The following COL6A3 variants were observed in gnomAD, a reference collection of about 807,000 sequenced individuals.
COL6A3 encodes the protein collagen alpha-3(VI) chain.
COL6A3 carries 137 observed loss-of-function variants against 274.1 expected under a neutral mutation model. The observed-to-expected ratio is 0.50, with a 90% CI of 0.44 to 0.58. The LOEUF (loss-of-function observed/expected upper bound fraction) is 0.58, where lower values mean the gene tolerates loss of function less well. Ranked by LOEUF, COL6A3 falls within the 20% of genes least tolerant of loss-of-function variation. The pLI, the probability that COL6A3 is intolerant of heterozygous loss-of-function variation, is 0.00. For missense variants in COL6A3, 3,950 were observed against 4,124.9 expected (o/e 0.96, Z 1.16); for synonymous variants, 1,650 against 1,650.6 (o/e 1.00, Z 0.01).
chr2:237,406,954 G>A (rs975335857), intron 1 of COL6A3, among the ~76,000 whole-genome samples: 2 of 135,038 alleles, frequency 1.5e-5, no homozygotes, highest in Admixed American at 8.2e-5. Context: ...CTGTTGTCCA[G>A]GTTGGAATGC....
Position 237,365,746 on chromosome 2 carries a change from C to G in COL6A3, c.5790G>C (p.Leu1930=). 6 of 1,614,222 alleles carry G rather than the reference C, an allele frequency of 3.7e-6. No homozygotes were observed. The highest frequency in any genetic ancestry group is 5.1e-6 in the Non-Finnish European group (6 of 1,180,040). The part of the protein sequence containing the change: ...QHPYVLTEDT[L]KVYLNKFRQS... ...GTCTGAACTTGTTCAGGTAGACCTT[C>G]AGGGTGTCCTCCGTGAGGACGTAGG... is the stretch of plus-strand genomic sequence containing the variant. Residue 1930 remains leucine, a synonymous_variant, in exon 12 of 44, where the codon CTG becomes CTC. Coordinates refer to ENST00000295550, the MANE Select transcript of COL6A3 (RefSeq NM_004369.4).
intron 42 of COL6A3, chr2:237,328,861 C>T (rs1700084637): frequency 6.6e-6 from 1 of 152,148 alleles, no homozygotes; most frequent in Non-Finnish European, 1.5e-5. Context: ...ACATGTTCCT[C>T]ATCAGTTTAA....
In COL6A3 at chr2:237,353,280, T is replaced by A. The variant is rs111602750; in HGVS notation, c.6690+61A>T. 640 of 1,530,652 alleles carry A rather than the reference T, an allele frequency of 4.2e-4. 1 individual carries two copies. The African/African-American group carries it at 8.0e-3, about 19-fold the overall frequency. 94.8% of individuals were successfully genotyped at this position (1,530,652 alleles called of 1,614,324 possible). On this transcript the variant is annotated intron_variant, in intron 25 of 43. Transcript: ENST00000295550. ...CTTTCCGGATATAAATGCCACCCAATCATTTTTTAAATGATTTGTGAAATA... is the reference window on the plus strand; with the variant it reads ...CTTTCCGGATATAAATGCCACCCAAACATTTTTTAAATGATTTGTGAAATA...
chr2:237,403,516 T>C (rs1229715375), intron 1 of COL6A3, among the ~76,000 whole-genome samples: 2 of 152,144 alleles, frequency 1.3e-5, no homozygotes, highest in African/African-American at 4.8e-5. Flanking sequence ...AGGAATGCTG[T>C]TCTAATGATG....
intron 23 of COL6A3, chr2:237,356,995 G>A (rs1180767975): frequency 1.6e-5 from 6 of 383,016 alleles, no homozygotes; most frequent in African/African-American, 1.2e-4. Flanking sequence ...CAGCCCTCTT[G>A]CCCCTTATTC....
At chr2:237,363,176 T>G in intron 14 of COL6A3, 77 bp downstream of exon 14, 2 of 1,391,912 alleles carry the variant, frequency 1.4e-6, no homozygotes, top group Non-Finnish European at 1.0e-6. Context: ...CTGCTGATAA[T>G]TAACTTCATT....
chr2:237,411,319 T>A (rs2078850278), intron 1 of COL6A3, among the ~76,000 whole-genome samples: 2 of 152,242 alleles, frequency 1.3e-5, no homozygotes, highest in African/African-American at 4.8e-5. Context: ...ATTCACGACT[T>A]GCCGGTGAAT....
intron 3 of COL6A3, among the ~76,000 whole-genome samples, chr2:237,388,722 C>T (rs2078215835): frequency 1.3e-5 from 2 of 152,202 alleles, no homozygotes; most frequent in South Asian, 2.1e-4. Context: ...TTGCTGGATG[C>T]CTTCAGAAAC....
intron 30 of COL6A3, 133 bp from the exon 31 acceptor site, chr2:237,348,002 A>G (rs576054298): frequency 1.2e-6 from 1 of 807,286 alleles, no homozygotes; most frequent in South Asian, 1.5e-5. Flanking sequence ...GTTTTGATTC[A>G]CTTTTCCAGT....
At chr2:237,334,492 G>A (rs1700427127) in intron 41 of COL6A3, 134 bp downstream of exon 41, 2 of 988,266 alleles carry the variant, frequency 2.0e-6, no homozygotes, top group Admixed American at 4.2e-5. Context: ...GAGTTGTTTT[G>A]TTGTTGTTGC....
intron 40 of COL6A3, 145 bp downstream of exon 40, chr2:237,335,990 C>T: frequency 1.9e-6 from 2 of 1,042,396 alleles, no homozygotes; most frequent in Non-Finnish European, 2.8e-6. Flanking sequence ...CCCTAACCAA[C>T]ACCTCTTAAA....
chr2:237,368,762 G>A lies in COL6A3; in HGVS notation c.4701C>T (p.Gly1567=). Residue 1567 remains glycine (G), a synonymous_variant, in exon 10 of 44, where the codon GGC becomes GGT. Coordinates refer to ENST00000295550, the MANE Select transcript of COL6A3 (RefSeq NM_004369.4). The surrounding 1 kb of genome is among the most constrained non-coding windows in gnomAD (Gnocchi z 4.4). ...SRFAQVIRSS[G]IVSLGVGDRN... is the part of the protein sequence containing the mutation. ...GGTCTCCTACCCCTAAACTCACAAT[G>A]CCCGAGGAACGGATCACCTGGGCGA... is the stretch of plus-strand genomic sequence containing the variant. 6.2e-7 allele frequency: 1 copy of A among 1,614,074 alleles called. No individual in the cohort carries two copies. The highest frequency in any genetic ancestry group is 2.2e-5 in the East Asian group (1 of 44,890).
In COL6A3 at chr2:237,381,456, G is replaced by A. The variant is rs761005162; in HGVS notation, c.1356C>T (p.Gly452=). 5.6e-6 allele frequency: 9 copies of A among 1,608,394 alleles called. No homozygotes were observed. In the Admixed American group the frequency reaches 1.5e-4, roughly 27 times the overall value. Residue 452 remains glycine, a synonymous_variant, in exon 5 of 44, where the codon GGC becomes GGT. Coordinates refer to ENST00000295550, the MANE Select transcript of COL6A3 (RefSeq NM_004369.4). ...AGTTGGCCAGTCCCAGTGCAGATGA[G>A]CCATCCACCAGGAAGACTATGTCTC... is the stretch of plus-strand genomic sequence containing the variant. The part of the protein sequence containing the change: ...NKRDIVFLVD[G]SSALGLANFN...
At chr2:237,410,284 A>T (rs1276892492) in intron 1 of COL6A3, among the ~76,000 whole-genome samples, 1 of 150,508 alleles carries the variant, frequency 6.6e-6, no homozygotes, top group Non-Finnish European at 1.5e-5. Flanking sequence ...GAACGTGCTA[A>T]CTCAAAATTT....
intron 32 of COL6A3, among the ~76,000 whole-genome samples, chr2:237,345,769 C>A (rs996273172): frequency 1.3e-5 from 2 of 152,158 alleles, no homozygotes; most frequent in Admixed American, 6.5e-5. Flanking sequence ...CCTGCTTGGT[C>A]TTCTGCAGGA....
Position 237,371,595 on chromosome 2 carries a change from C to G in COL6A3, c.4285+137G>C. 6.7e-7 allele frequency: 1 copy of G among 1,489,042 alleles called. No individual in the cohort carries two copies. Among genetic ancestry groups the G allele is most frequent in the Non-Finnish European group, 8.9e-7 (1 of 1,127,450 alleles). The allele number at this position is 1,489,042 out of a possible 1,614,324, so 92.2% of individuals were successfully genotyped here. On this transcript the variant is annotated intron_variant, in intron 9 of 43. Coordinates refer to ENST00000295550, the MANE Select transcript of COL6A3 (RefSeq NM_004369.4). This position sits in a 1 kb window ranked among gnomAD's most constrained non-coding sequence, Gnocchi z 4.3. ...CCTGGACGACAGAGCCAGACCCTGT[C>G]TCAAAATAAAAACCATAAAGGTAAG...
chr2:237,333,375 C>A, intron 42 of COL6A3, 75 bp downstream of exon 42: 1 of 1,405,454 alleles, frequency 7.1e-7, no homozygotes, highest in South Asian at 1.2e-5. Context: ...AGACTTAGAA[C>A]CCAGGAAGTT....
Position 237,412,290 on chromosome 2 carries a change from G to A in COL6A3, c.-31+1663C>T, listed in dbSNP as rs540058485. Among the ~76,000 whole-genome samples the A allele has an allele frequency of 7.6e-4, 115 of 152,314 alleles. 1 individual carries two copies. The highest frequency in any genetic ancestry group is 2.5e-3 in the African/African-American group (104 of 41,574). Reference sequence around the variant, plus strand: ...CAGGGCGGCCAGCCCCGGTATTCCGGTCACGGAACCGATGCCCCCGCCCCA... The same window carrying A: ...CAGGGCGGCCAGCCCCGGTATTCCGATCACGGAACCGATGCCCCCGCCCCA... On this transcript the variant is annotated intron_variant, in intron 1 of 43. Transcript: ENST00000295550.
intron 2 of COL6A3, among the ~76,000 whole-genome samples, chr2:237,396,186 C>T (rs1323805401): frequency 6.6e-6 from 1 of 152,212 alleles, no homozygotes; most frequent in African/African-American, 2.4e-5. Flanking sequence ...TTTTCTAAAA[C>T]TCTGAAATCA....
Sources: allele counts gnomAD v4.1 joint callset (sites outside exome capture counted in the v4.1 genomes callset), GRCh38; gene constraint gnomAD v4.1.1; non-coding constraint Gnocchi (gnomAD v3.1); transcripts MANE v1.5; gene names NCBI Gene and HGNC (gene_info 2026-07-23, HGNC 2026-07-21).